KIFAP3: variants seen among roughly 807,000 people sequenced by gnomAD.
KIFAP3 encodes the protein kinesin associated protein 3.
KIFAP3 carries 68 observed loss-of-function variants against 106.5 expected under a neutral mutation model. The ratio of observed to expected loss-of-function variants is 0.64; its 90% CI spans 0.53 to 0.78. The LOEUF (loss-of-function observed/expected upper bound fraction) is 0.78, where lower values mean the gene tolerates loss of function less well. Ranked by LOEUF, KIFAP3 falls within the 30% of genes least tolerant of loss-of-function variation. KIFAP3 has a pLI of 0.00. For synonymous variants in KIFAP3, 320 were observed against 311.5 expected (o/e 1.03, Z -0.29); for missense variants, 780 against 941.8 (o/e 0.83, Z 2.25).
At chr1:170,041,877 A>G (rs1266767895) in intron 3 of KIFAP3, 6 of 1,376,590 alleles carry the variant, frequency 4.4e-6, no homozygotes, top group African/African-American at 1.4e-5. Context: ...AATTTCCCCA[A>G]CTGGAAGGAG....
intron 3 of KIFAP3, among the ~76,000 whole-genome samples, chr1:170,046,188 G>T (rs1571725149): frequency 1.2e-5 from 1 of 85,406 alleles, no homozygotes; most frequent in Non-Finnish European, 2.1e-5. Flanking sequence ...GTGACCCCCA[G>T]ATTAAACCTT....
intron 19 of KIFAP3, among the ~76,000 whole-genome samples, chr1:169,946,034 A>C (rs1351515046): frequency 6.6e-6 from 1 of 152,216 alleles, no homozygotes; most frequent in Non-Finnish European, 1.5e-5. Context: ...CTAAACAAAT[A>C]AGAGAAATCA....
At chr1:169,941,233 C>G (rs761660674) in intron 19 of KIFAP3, among the ~76,000 whole-genome samples, 1 of 152,020 alleles carries the variant, frequency 6.6e-6, no homozygotes, top group Non-Finnish European at 1.5e-5. Context: ...AACATTATAC[C>G]TAATACCTTC....
At chr1:170,051,831 A>C (rs1670590504) in intron 2 of KIFAP3, among the ~76,000 whole-genome samples, 1 of 152,204 alleles carries the variant, frequency 6.6e-6, no homozygotes, top group Admixed American at 6.5e-5. Context: ...AATCTCTGGG[A>C]CACAGCTTAA....
chr1:169,922,074 A>G (rs1408560670), intron 19 of KIFAP3, among the ~76,000 whole-genome samples: 1 of 152,206 alleles, frequency 6.6e-6, no homozygotes, highest in Non-Finnish European at 1.5e-5. Flanking sequence ...TTACTTATAT[A>G]TGGCTCTTAA....
At chr1:169,996,897 TG>T (rs1332871423) in intron 10 of KIFAP3, among the ~76,000 whole-genome samples, 1 of 152,112 alleles carries the variant, frequency 6.6e-6, no homozygotes, top group Non-Finnish European at 1.5e-5. Flanking sequence ...CAGGTTCCAA[TG>T]GATGAAAGAA....
chr1:170,004,859 G>T (rs75089174), intron 10 of KIFAP3, among the ~76,000 whole-genome samples: 24,239 of 150,362 alleles, frequency 0.16, 1,874 homozygotes, highest in Middle Eastern at 0.21. Context: ...TGACAAATGG[G>T]ATCTAATTAA....
At position 170,013,002 on chromosome 1, in the gene KIFAP3, T is replaced by C. The variant is rs559762175; in HGVS notation, c.1183+3460A>G. Among the ~76,000 whole-genome samples the C allele has an allele frequency of 2.6e-5, 4 of 152,122 alleles. No homozygotes were observed. In the South Asian group the frequency reaches 6.2e-4, roughly 24 times the overall value. On this transcript the variant is annotated intron_variant, in intron 10 of 19. Coordinates refer to ENST00000361580, the MANE Select transcript of KIFAP3 (RefSeq NM_014970.4). Reference sequence around the variant, plus strand: ...GGATTATTACAATTCAAGGTAAGATTTGGGTGGGGACACAGCCAAACCATA... The same window carrying C: ...GGATTATTACAATTCAAGGTAAGATCTGGGTGGGGACACAGCCAAACCATA...
chr1:170,038,825 C>T (rs1669821638), intron 4 of KIFAP3, among the ~76,000 whole-genome samples: 1 of 152,154 alleles, frequency 6.6e-6, no homozygotes. Context: ...TGGCTCACAG[C>T]TACAATCCCA....
At chr1:170,010,837 C>T (rs1173021563) in intron 10 of KIFAP3, among the ~76,000 whole-genome samples, 2 of 151,922 alleles carry the variant, frequency 1.3e-5, no homozygotes, top group Admixed American at 1.3e-4. Flanking sequence ...AAGCTGATAG[C>T]ATTTCTAGTT....
In KIFAP3 at chr1:170,055,377, T is replaced by C; in HGVS notation, c.92A>G (p.Tyr31Cys). The C allele has an allele frequency of 6.8e-6, 11 of 1,610,560 alleles. No individual in the cohort carries two copies. The highest frequency in any genetic ancestry group is 9.3e-6 in the Non-Finnish European group (11 of 1,178,114). ...HPSEKALIVH[Y>C]EVEATILGEM... ...TCCAAGAATGGTAGCTTCCACTTCA[T>C]AGTGAACAATGAGTGCTTTTTCTGA... is the stretch of plus-strand genomic sequence containing the variant. The change falls in exon 2 of 20, where the codon TAT becomes TGT. Residue 31 changes from tyrosine (Y) to cysteine (C), a missense_variant. This residue lies in a region of KIFAP3 where 588 missense variants were observed against 678.9 expected (regional missense o/e 0.87). Coordinates refer to ENST00000361580, the MANE Select transcript of KIFAP3 (RefSeq NM_014970.4).
chr1:169,952,165 C>T (rs1476470727), intron 19 of KIFAP3, among the ~76,000 whole-genome samples: 1 of 151,896 alleles, frequency 6.6e-6, no homozygotes, highest in Non-Finnish European at 1.5e-5. Flanking sequence ...ATCTAGTACA[C>T]AGATGAAACA....
In KIFAP3 at chr1:170,031,748, C is replaced by T. The variant is rs569147246; in HGVS notation, c.841+138G>A. Reference sequence around the variant, plus strand: ...AAACATTACCCATGCTAAAGACAGACGAACTTGTAGCATATTAACATTTAT... The same window carrying T: ...AAACATTACCCATGCTAAAGACAGATGAACTTGTAGCATATTAACATTTAT... On this transcript the variant is annotated intron_variant, in intron 8 of 19. Coordinates refer to ENST00000361580, the MANE Select transcript of KIFAP3 (RefSeq NM_014970.4). 33 of 570,560 alleles carry T rather than the reference C, an allele frequency of 5.8e-5. No homozygotes were observed. The Admixed American group carries it at 7.2e-4, about 12-fold the overall frequency. The allele number at this position is 570,560 out of a possible 1,614,324, so 35.3% of individuals were successfully genotyped here. A position where few individuals can be genotyped will look rare whatever the true frequency, so the allele number is the denominator to read the frequency against.
chr1:170,034,672 A>G (rs1168149451), intron 6 of KIFAP3, among the ~76,000 whole-genome samples, 176 bp from the exon 7 acceptor site: 3 of 151,890 alleles, frequency 2.0e-5, no homozygotes, highest in African/African-American at 7.2e-5. Flanking sequence ...AATTACTTTA[A>G]ATATATCACA....
At chr1:170,004,650 C>G (rs1470262844) in intron 10 of KIFAP3, among the ~76,000 whole-genome samples, 3 of 151,876 alleles carry the variant, frequency 2.0e-5, no homozygotes, top group Non-Finnish European at 2.9e-5. Context: ...AACTGGTTAG[C>G]CATATGTAGA....
intron 10 of KIFAP3, among the ~76,000 whole-genome samples, chr1:170,008,176 A>G (rs1338907151): frequency 6.6e-6 from 1 of 151,650 alleles, no homozygotes; most frequent in Non-Finnish European, 1.5e-5. Context: ...CTAGAACAAT[A>G]CCTAGGCAAT....
chr1:170,018,049 T>A (rs928804658), intron 9 of KIFAP3, among the ~76,000 whole-genome samples: 2 of 152,234 alleles, frequency 1.3e-5, no homozygotes. Flanking sequence ...TCTGTTTTCA[T>A]TCAACCTATG....
chr1:169,981,660 A>G (rs1373240904), intron 15 of KIFAP3, among the ~76,000 whole-genome samples: 1 of 152,168 alleles, frequency 6.6e-6, no homozygotes, highest in Non-Finnish European at 1.5e-5. Context: ...GGGGTCTTGG[A>G]ATGTATTCCC....
chr1:170,040,962 A>T (rs1413040626), intron 3 of KIFAP3, among the ~76,000 whole-genome samples: 1 of 151,874 alleles, frequency 6.6e-6, no homozygotes, highest in African/African-American at 2.4e-5. Context: ...AGTAGCTGGG[A>T]TCACAGGCGC....
Sources: gnomAD v4.1 joint callset for allele counts (sites outside exome capture counted in the v4.1 genomes callset) on GRCh38, gnomAD v4.1.1 for gene constraint, gnomAD v4.1.1 regional missense constraint, MANE v1.5 for transcripts, NCBI Gene and HGNC (gene_info 2026-07-23, HGNC 2026-07-21) for gene names.